PRDM11: variants seen among roughly 807,000 people sequenced by gnomAD.
PRDM11 encodes PR/SET domain 11.
In PRDM11, 20 loss-of-function variants were observed where a neutral mutation model predicts 97.8. The ratio of observed to expected loss-of-function variants is 0.20; its 90% CI spans 0.14 to 0.30. The LOEUF is 0.30. Among genes scored for constraint, PRDM11 ranks in the 10% least tolerant of loss-of-function variants. The probability of loss-of-function intolerance (pLI) is 1.00; values close to 1 mark genes in which losing one functional copy is unlikely to be tolerated. For synonymous variants in PRDM11, 599 were observed against 637.7 expected, an observed-to-expected ratio of 0.94 and a Z score of 0.91; for missense variants, 1,139 against 1,555.2, an observed-to-expected ratio of 0.73 and a Z score of 4.50.
chr11:45,129,762 G>A (rs1001973786), intron 1 of PRDM11, among the ~76,000 whole-genome samples: 2 of 152,070 alleles, frequency 1.3e-5, no homozygotes, highest in African/African-American at 4.8e-5. Context: ...AATACTGGAA[G>A]TAAATTGAAA....
At chr11:45,104,442 C>G (rs970566598) in intron 1 of PRDM11, among the ~76,000 whole-genome samples, 1 of 152,164 alleles carries the variant, frequency 6.6e-6, no homozygotes, top group African/African-American at 2.4e-5. Flanking sequence ...GGACACGTGC[C>G]CTTCCTGCTG....
At chr11:45,141,911 C>G (rs150868532), upstream of PRDM11, among the ~76,000 whole-genome samples, 56 of 152,262 alleles carry the variant, frequency 3.7e-4, no homozygotes, top group Non-Finnish European at 7.4e-4. Flanking sequence ...TTCAGCTTCT[C>G]CAGTGGGCAG....
chr11:45,225,786 G>A (rs1003608917), intron 7 of PRDM11, among the ~76,000 whole-genome samples: 9 of 152,290 alleles, frequency 5.9e-5, no homozygotes, highest in African/African-American at 1.7e-4. Context: ...CAAGGCAACC[G>A]TGGACAATCA....
At chr11:45,181,428 C>G (rs1185548870) in intron 1 of PRDM11, among the ~76,000 whole-genome samples, 2 of 152,206 alleles carry the variant, frequency 1.3e-5, no homozygotes, top group African/African-American at 4.8e-5. Flanking sequence ...TGCGCCCAGG[C>G]TCATGTGGGA....
Position 45,227,834 on chromosome 11 carries a change from T to A in PRDM11, c.3209T>A (p.Leu1070His). The A allele has an allele frequency of 1.3e-6, 2 of 1,533,898 alleles. No homozygotes were observed. Among genetic ancestry groups the A allele is most frequent in the Non-Finnish European group, 1.7e-6 (2 of 1,146,704 alleles). The change falls in exon 8 of 8, where the codon CTC becomes CAC. Residue 1070 changes from leucine (L) to histidine (H), a missense_variant. This residue lies in a region of PRDM11 where 710 missense variants were observed against 1,044.9 expected (regional missense o/e 0.68). Coordinates refer to ENST00000683152, the MANE Select transcript of PRDM11 (RefSeq NM_001384648.1). The surrounding 1 kb of genome is among the most constrained non-coding windows in gnomAD (Gnocchi z 8.0). ...HICKYKQRFP[L>H]LNKIIQVLKV... Reference sequence around the variant, plus strand: ...TGCAAGTACAAACAGAGGTTTCCACTCTTGAACAAGATCATCCAGGTTCTT... The same window carrying A: ...TGCAAGTACAAACAGAGGTTTCCACACTTGAACAAGATCATCCAGGTTCTT...
At chr11:45,218,127 A>G (rs1854010886) in intron 5 of PRDM11, among the ~76,000 whole-genome samples, 1 of 152,146 alleles carries the variant, frequency 6.6e-6, no homozygotes, top group Non-Finnish European at 1.5e-5. Context: ...TAAATGTAAC[A>G]TCATTTACGA....
upstream of PRDM11, among the ~76,000 whole-genome samples, chr11:45,094,772 T>A (rs1247387056): frequency 1.1e-4 from 8 of 75,608 alleles, no homozygotes; most frequent in Middle Eastern, 0.015. Flanking sequence ...AGGGAAGGAA[T>A]AGAGGGAAGG....
chr11:45,170,352 AG>A (rs1240960271), intron 1 of PRDM11, among the ~76,000 whole-genome samples: 2 of 152,006 alleles, frequency 1.3e-5, no homozygotes, highest in African/African-American at 2.4e-5. Context: ...CAAAAAAAAA[AG>A]AAAAAAATCC....
chr11:45,127,837 A>T (rs1565243122), intron 1 of PRDM11, among the ~76,000 whole-genome samples: 1 of 152,238 alleles, frequency 6.6e-6, no homozygotes, highest in Non-Finnish European at 1.5e-5. Context: ...CCGTTCTCAG[A>T]TCTCCAGCTG....
At chr11:45,175,986 T>A (rs909696867) in intron 1 of PRDM11, among the ~76,000 whole-genome samples, 2 of 152,116 alleles carry the variant, frequency 1.3e-5, no homozygotes, top group Non-Finnish European at 2.9e-5. Context: ...GTTTTCTTTT[T>A]ATCCATTTTT....
chr11:45,227,563 C>T lies in PRDM11; in HGVS notation c.2938C>T (p.Arg980Trp), dbSNP rs774670776. Reference protein sequence around the residue: ...ILAQRFDSRSRIFVKACQVFD... With the variant: ...ILAQRFDSRSWIFVKACQVFD... ...GGCTCAGAGGTTCGACTCCCGCAGC[C>T]GGATCTTTGTGAAGGCCTGCCAGGT... is the stretch of plus-strand genomic sequence containing the variant. The change falls in exon 8 of 8, where the codon CGG becomes TGG. Residue 980 changes from arginine to tryptophan, a missense_variant. Coordinates refer to ENST00000683152, the MANE Select transcript of PRDM11 (RefSeq NM_001384648.1). The surrounding 1 kb of genome is among the most constrained non-coding windows in gnomAD (Gnocchi z 8.0). 1 of 1,533,876 alleles carries T rather than the reference C, an allele frequency of 6.5e-7. No individual in the cohort carries two copies. The highest frequency in any genetic ancestry group is 8.7e-7 in the Non-Finnish European group (1 of 1,146,734).
intron 4 of PRDM11, among the ~76,000 whole-genome samples, chr11:45,186,625 C>G (rs184144521): frequency 6.6e-6 from 1 of 151,966 alleles, no homozygotes; most frequent in East Asian, 1.9e-4. Context: ...GTCTCATGGG[C>G]GGAAGCCAGA....
chr11:45,149,027 C>T (rs1385711170), intron 1 of PRDM11, among the ~76,000 whole-genome samples: 1 of 152,156 alleles, frequency 6.6e-6, no homozygotes, highest in Non-Finnish European at 1.5e-5. Flanking sequence ...GTCTCTGTCA[C>T]CCCAATCTAC....
upstream of PRDM11, among the ~76,000 whole-genome samples, chr11:45,146,085 A>AT (rs1359307722): frequency 1.3e-5 from 2 of 152,336 alleles, no homozygotes; most frequent in East Asian, 3.9e-4. Context: ...AACCCCACAT[A>AT]AAGAGTTAAT....
chr11:45,211,798 C>T (rs1311877832), intron 5 of PRDM11, among the ~76,000 whole-genome samples: 1 of 151,998 alleles, frequency 6.6e-6, no homozygotes, highest in Non-Finnish European at 1.5e-5. Context: ...GTGTATACTG[C>T]TTGGGTCATG....
intron 4 of PRDM11, among the ~76,000 whole-genome samples, chr11:45,183,880 A>G (rs1358983125): frequency 6.6e-6 from 1 of 152,230 alleles, no homozygotes; most frequent in Non-Finnish European, 1.5e-5. Context: ...CTGGAAATAC[A>G]GTGGTGGGCC....
At chr11:45,173,959 CTTA>C (rs1267125751) in intron 1 of PRDM11, among the ~76,000 whole-genome samples, 2 of 152,162 alleles carry the variant, frequency 1.3e-5, no homozygotes, top group African/African-American at 2.4e-5. Context: ...TTTCCACAAA[CTTA>C]TTATACCCAT....
intron 4 of PRDM11, among the ~76,000 whole-genome samples, chr11:45,195,532 G>T (rs1853090851): frequency 6.6e-6 from 1 of 151,770 alleles, no homozygotes; most frequent in African/African-American, 2.4e-5. Context: ...AGGTTCATCT[G>T]TGTGGCAGCA....
Position 45,227,124 on chromosome 11 carries a change from C to T in PRDM11, c.2499C>T (p.Asn833=), listed in dbSNP as rs538723065. 104 of 1,533,982 alleles carry T rather than the reference C, an allele frequency of 6.8e-5. 2 individuals are homozygous for T. In the South Asian group the frequency reaches 6.9e-4, roughly 10 times the overall value. ...RAVRWIIGEQ[N]VLNALIKDYL... is the part of the protein sequence containing the mutation. ...TGCGGTGGATCATCGGCGAGCAGAA[C>T]GTCCTCAACGCTCTCATCAAGGACT... The change falls in exon 8 of 8, where the codon AAC becomes AAT. Residue 833 remains asparagine, a synonymous_variant. Coordinates refer to ENST00000683152, the MANE Select transcript of PRDM11 (RefSeq NM_001384648.1). The surrounding 1 kb of genome is among the most constrained non-coding windows in gnomAD (Gnocchi z 8.0).
Sources: gnomAD v4.1 joint callset for allele counts (sites outside exome capture counted in the v4.1 genomes callset) on GRCh38, gnomAD v4.1.1 for gene constraint, gnomAD v4.1.1 regional missense constraint, Gnocchi (gnomAD v3.1) non-coding constraint, MANE v1.5 for transcripts, NCBI Gene and HGNC (gene_info 2026-07-23, HGNC 2026-07-21) for gene names.